Variants in ZFP90 observed in about 807,000 individuals in gnomAD.
The protein encoded by ZFP90 is zinc finger protein 90 homolog.
A neutral mutation model predicts 60.8 loss-of-function variants in ZFP90; 38 were observed. The ratio of observed to expected loss-of-function variants is 0.62; its 90% CI spans 0.48 to 0.82. The LOEUF is 0.82. ZFP90 is among the 40% of genes least tolerant of loss of function. The probability of loss-of-function intolerance (pLI) is 0.00; values close to 1 mark genes in which losing one functional copy is unlikely to be tolerated. For missense variants in ZFP90, 711 were observed against 759.1 expected, an observed-to-expected ratio of 0.94 and a Z score of 0.74; for synonymous variants, 287 against 264.8, an observed-to-expected ratio of 1.08 and a Z score of -0.82.
At chr16:68,543,020 G>C (rs1468652477) in intron 2 of ZFP90, among the ~76,000 whole-genome samples, 1 of 152,138 alleles carries the variant, frequency 6.6e-6, no homozygotes, top group Non-Finnish European at 1.5e-5. Flanking sequence ...AAGGTAAGGG[G>C]GTCTGAGTGG....
At chr16:68,557,857 AG>A in intron 2 of ZFP90, 140 bp from the exon 3 acceptor site, 1 of 1,159,684 alleles carries the variant, frequency 8.6e-7, no homozygotes. Context: ...GTAAACAATA[AG>A]TTTATGTAAC....
At chr16:68,545,003 C>T (rs1485938705) in intron 2 of ZFP90, among the ~76,000 whole-genome samples, 1 of 150,728 alleles carries the variant, frequency 6.6e-6, no homozygotes, top group African/African-American at 2.4e-5. Context: ...CCTCAGCCTC[C>T]AGAGTAGCTG....
At position 68,560,116 on chromosome 16, in the gene ZFP90, T is replaced by G. The variant is rs565611599; in HGVS notation, c.256+1548T>G. Reference sequence around the variant, plus strand: ...TAAATCAAATGGATTTTTAAAATTGTAGCTTTATTGAGGTATAATTCACAT... The same window carrying G: ...TAAATCAAATGGATTTTTAAAATTGGAGCTTTATTGAGGTATAATTCACAT... On this transcript the variant is annotated intron_variant, in intron 4 of 4. Coordinates refer to ENST00000563169, the MANE Select transcript of ZFP90 (RefSeq NM_001305203.2). 2.0e-5 allele frequency among the ~76,000 whole-genome samples: 3 copies of G among 151,936 alleles called. No homozygotes were observed. In the South Asian group the frequency reaches 6.3e-4, roughly 32 times the overall value.
chr16:68,537,323 A>G (rs892126738), upstream of ZFP90, among the ~76,000 whole-genome samples: 2 of 151,800 alleles, frequency 1.3e-5, no homozygotes, highest in Non-Finnish European at 2.9e-5. Flanking sequence ...ATGGGGTTTT[A>G]CTATGTTGGC....
intron 2 of ZFP90, among the ~76,000 whole-genome samples, chr16:68,542,485 G>T (rs1337297491): frequency 1.3e-5 from 2 of 152,096 alleles, no homozygotes; most frequent in African/African-American, 4.8e-5. Context: ...CAGCTACTAG[G>T]GAGGCTGAGG....
chr16:68,539,404 G>A lies in ZFP90; in HGVS notation c.-111G>A. 1 of 291,748 alleles carries A rather than the reference G, an allele frequency of 3.4e-6. No homozygotes were observed. Among genetic ancestry groups the A allele is most frequent in the Non-Finnish European group, 6.4e-6 (1 of 156,810 alleles). The allele number at this position is 291,748 out of a possible 1,614,324, so 18.1% of individuals were successfully genotyped here. ...GGAGATAACCGAGGCTTCGGCGGGGGCGGGAGGAGCTGCCCGAGGCTCTGG... is the reference window on the plus strand; with the variant it reads ...GGAGATAACCGAGGCTTCGGCGGGGACGGGAGGAGCTGCCCGAGGCTCTGG... On this transcript the variant is annotated 5_prime_UTR_variant, in exon 1 of 5. Coordinates refer to ENST00000563169, the MANE Select transcript of ZFP90 (RefSeq NM_001305203.2).
chr16:68,568,451 G>A (rs2091550060), downstream of ZFP90, among the ~76,000 whole-genome samples: 2 of 152,176 alleles, frequency 1.3e-5, no homozygotes, highest in South Asian at 4.1e-4. Context: ...TGGCAAGAGG[G>A]TAACTTGGTA....
Position 68,574,946 on chromosome 16 carries a change from GA to G in ZFP90, c.224-836del, listed in dbSNP as rs889819731. Among the ~76,000 whole-genome samples, 72 of 81,094 alleles carry G rather than the reference GA, an allele frequency of 8.9e-4. No homozygotes were observed. In the East Asian group the frequency reaches 0.027, roughly 30 times the overall value. 53.2% of individuals were successfully genotyped at this position (81,094 alleles called of 152,430 possible). ...TGTCTCAAAAAAAAAAAAAAAAGTG[GA>G]AAAAAAAAGAGACACTGTGAAACCC... On this transcript the variant is annotated intron_variant, in intron 2 of 2. Coordinates refer to the ZFP90 transcript ENST00000573113.
rs375921184 is a variant in ZFP90, at chr16:68,563,702, C to T, written c.915C>T (p.Thr305=). ...TTGGTCAGCATGAGAATGCTCATAC[C>T]GGAGAGAAACCCTATCAGTGTAGTC... ...SSLGQHENAH[T]GEKPYQCSLC... Residue 305 remains threonine (T), a synonymous_variant, in exon 5 of 5, where the codon ACC becomes ACT. Coordinates refer to ENST00000563169, the MANE Select transcript of ZFP90 (RefSeq NM_001305203.2). 294 of 1,613,850 alleles carry T rather than the reference C, an allele frequency of 1.8e-4. 4 individuals are homozygous for T. In the South Asian group the frequency reaches 2.4e-3, roughly 13 times the overall value.
At chr16:68,560,414 G>C (rs1341382041) in intron 4 of ZFP90, among the ~76,000 whole-genome samples, 2 of 152,034 alleles carry the variant, frequency 1.3e-5, no homozygotes, top group African/African-American at 4.8e-5. Flanking sequence ...TTAGCATGAT[G>C]TTTTCAAGGT....
At chr16:68,549,611 G>T (rs1286499586) in intron 2 of ZFP90, among the ~76,000 whole-genome samples, 1 of 147,112 alleles carries the variant, frequency 6.8e-6, no homozygotes, top group Admixed American at 6.9e-5. Flanking sequence ...CCTGGGAAGC[G>T]GAGCTTGCAG....
At chr16:68,555,125 C>T (rs1408024310) in intron 2 of ZFP90, 4 of 152,268 alleles carry the variant, frequency 2.6e-5, no homozygotes, top group Non-Finnish European at 5.9e-5. Flanking sequence ...AGTGTTCTCT[C>T]CCTCTCCCAA....
chr16:68,554,014 G>C (rs1240326193), intron 2 of ZFP90, among the ~76,000 whole-genome samples: 1 of 152,192 alleles, frequency 6.6e-6, no homozygotes, highest in Admixed American at 6.5e-5. Flanking sequence ...GATGAACTAG[G>C]AGGTTGTAGC....
At position 68,558,535 on chromosome 16, in the gene ZFP90, T is replaced by A. The variant is rs1326835983; in HGVS notation, c.223T>A (p.Ser75Thr). ...GGAGCAAGGAGAAGAGCCATGGATATCAGAGGGAGAAATCCAACGACCTTT... is the reference window on the plus strand; with the variant it reads ...GGAGCAAGGAGAAGAGCCATGGATAACAGAGGGAGAAATCCAACGACCTTT... ...KLEQGEEPWI[S>T]EGEIQRPFYP... The change falls in exon 4 of 5, where the codon TCA becomes ACA. Residue 75 changes from serine to threonine, a missense_variant. This residue lies in a region of ZFP90 where 241 missense variants were observed against 247.6 expected (regional missense o/e 0.97). Coordinates refer to ENST00000563169, the MANE Select transcript of ZFP90 (RefSeq NM_001305203.2). 6.2e-7 allele frequency: 1 copy of A among 1,613,812 alleles called. No homozygotes were observed. The highest frequency in any genetic ancestry group is 8.5e-7 in the Non-Finnish European group (1 of 1,179,982).
chr16:68,539,686 AGGTGG>A (rs1174764738), intron 1 of ZFP90, 67 bp from the exon 2 acceptor site: 3 of 831,286 alleles, frequency 3.6e-6, no homozygotes, highest in Non-Finnish European at 3.0e-6. Context: ...TTAGGGGCGG[AGGTGG>A]GGCGGGGCGG....
intron 2 of ZFP90, among the ~76,000 whole-genome samples, chr16:68,575,057 G>A (rs2091587061): frequency 6.6e-6 from 1 of 152,154 alleles, no homozygotes; most frequent in Admixed American, 6.5e-5. Flanking sequence ...ATGTTGAACT[G>A]GGGAAAATAA....
intron 2 of ZFP90, among the ~76,000 whole-genome samples, chr16:68,574,926 CAAA>C (rs10658760): frequency 2.9e-5 from 3 of 103,610 alleles, no homozygotes; most frequent in Non-Finnish European, 5.6e-5. Flanking sequence ...GACCCTGTCT[CAAA>C]AAAAAAAAAA....
At chr16:68,572,130 C>T (rs923665725), downstream of ZFP90, among the ~76,000 whole-genome samples, 1 of 151,486 alleles carries the variant, frequency 6.6e-6, no homozygotes, top group Non-Finnish European at 1.5e-5. Context: ...CTTAGTCGCC[C>T]AAGCAGCTAG....
rs529492322 is a variant in ZFP90 at position 68,539,575 on chromosome 16, G to A, written c.-36+96G>A. On this transcript the variant is annotated intron_variant, in intron 1 of 4. Transcript: ENST00000563169. ...AAGGGGACTGGGCGTGGCCGGAGGGGGGTGTCCGGGAGGCCGCTGAGCCTT... is the reference window on the plus strand; with the variant it reads ...AAGGGGACTGGGCGTGGCCGGAGGGAGGTGTCCGGGAGGCCGCTGAGCCTT... 6 of 546,372 alleles carry A rather than the reference G, an allele frequency of 1.1e-5. No homozygotes were observed. The East Asian group carries it at 1.3e-4, about 12-fold the overall frequency. 33.8% of individuals were successfully genotyped at this position (546,372 alleles called of 1,614,324 possible).
Sources: gnomAD v4.1 joint callset for allele counts (sites outside exome capture counted in the v4.1 genomes callset) on GRCh38, gnomAD v4.1.1 for gene constraint, gnomAD v4.1.1 regional missense constraint, MANE v1.5 for transcripts, NCBI Gene and HGNC (gene_info 2026-07-23, HGNC 2026-07-21) for gene names.